The following C4orf50 variants were observed in gnomAD, a reference collection of about 807,000 sequenced individuals.
C4orf50 encodes the protein uncharacterized protein C4orf50.
Under a neutral mutation model 77.2 loss-of-function variants are expected in C4orf50, and 80 were observed. That is an observed-to-expected ratio of 1.04 (90% CI 0.87 to 1.25). C4orf50 has a LOEUF of 1.25. Among genes scored for constraint, C4orf50 ranks in the 50% most tolerant of loss-of-function variants. C4orf50 has a pLI of 0.00. For synonymous variants in C4orf50, 532 were observed against 465.3 expected (o/e 1.14, Z -1.84); for missense variants, 1,257 against 1,152.9 (o/e 1.09, Z -1.31).
exon 34 of C4orf50, chr4:5,959,414 A>T: frequency 6.2e-7 from 1 of 1,614,158 alleles, no homozygotes; most frequent in Non-Finnish European, 8.5e-7. Flanking sequence ...GGACCTGGGA[A>T]TTGCTGCAAA....
Position 5,900,986 on chromosome 4 carries a change from G to A in C4orf50, c.*2475-2798C>T, listed in dbSNP as rs1716318850. The A allele has an allele frequency of 6.6e-6, 1 of 152,228 alleles. No individual in the cohort carries two copies. Among genetic ancestry groups the A allele is most frequent in the African/African-American group, 2.4e-5 (1 of 41,456 alleles). 9.4% of individuals were successfully genotyped at this position (152,228 alleles called of 1,614,324 possible). A position where few individuals can be genotyped will look rare whatever the true frequency, so the allele number is the denominator to read the frequency against. On this transcript the variant is annotated intron_variant, in intron 7 of 7. Transcript: ENST00000324058. The surrounding 1 kb of genome is among the most constrained non-coding windows in gnomAD (Gnocchi z 4.3). ...GTCTTGCATTTGTTGCAGCCCATTG[G>A]TCTGCAGAGCGATCAAACCACACTA...
At chr4:5,994,475 T>A (rs920244838) in exon 26 of C4orf50, 2 of 398,844 alleles carry the variant, frequency 5.0e-6, no homozygotes, top group African/African-American at 4.1e-5. Context: ...GCCCAGAGCA[T>A]CCTGGAGGAA....
At chr4:5,973,749 G>T (rs761372445) in exon 31 of C4orf50, 2 of 1,613,894 alleles carry the variant, frequency 1.2e-6, no homozygotes, top group South Asian at 1.1e-5. Context: ...AGAGCAGGAG[G>T]TTCCCCAGCC....
intron 7 of C4orf50, among the ~76,000 whole-genome samples, chr4:5,936,583 AG>A (rs374904207): frequency 2.0e-5 from 3 of 149,306 alleles, no homozygotes; most frequent in East Asian, 1.9e-4. Context: ...AAAAAAAAAA[AG>A]AAAGACAGAC....
At chr4:5,972,006 C>T (rs988701142) in intron 31 of C4orf50, among the ~76,000 whole-genome samples, 12 of 128,996 alleles carry the variant, frequency 9.3e-5, no homozygotes, top group African/African-American at 3.6e-4. Context: ...ACTCTGCTTT[C>T]GATTTTTTTT....
chr4:5,987,055 A>G (rs1379444276), intron 28 of C4orf50, among the ~76,000 whole-genome samples: 1 of 152,158 alleles, frequency 6.6e-6, no homozygotes, highest in Non-Finnish European at 1.5e-5. Context: ...TCAATGACCT[A>G]AGTTTTCAAC....
Position 6,008,112 on chromosome 4 carries a change from A to G in C4orf50, c.847T>C (p.Tyr283His), listed in dbSNP as rs575558153. 7.5e-6 allele frequency: 3 copies of G among 399,054 alleles called. No homozygotes were observed. The highest frequency in any genetic ancestry group is 6.2e-5 in the African/African-American group (3 of 48,732). 24.7% of individuals were successfully genotyped at this position (399,054 alleles called of 1,614,324 possible). The change falls in exon 25 of 34, where the codon TAT (tyrosine) becomes CAT (histidine). Residue 283 changes from tyrosine (Y) to histidine (H), a missense_variant. Coordinates refer to ENST00000531445, the Ensembl canonical transcript of C4orf50. This position sits in a 1 kb window ranked among gnomAD's most constrained non-coding sequence, Gnocchi z 6.0. Reference sequence around the variant, plus strand: ...CCAATCTCTGACAGCTTCAGCCCATAGATGCAGCAGCGCAGCTCCTCCAGC... The same window carrying G: ...CCAATCTCTGACAGCTTCAGCCCATGGATGCAGCAGCGCAGCTCCTCCAGC...
intron 30 of C4orf50, 38 bp from the exon 9 acceptor site, chr4:5,973,879 C>G (rs1354960837): frequency 6.5e-7 from 1 of 1,533,496 alleles, no homozygotes; most frequent in Non-Finnish European, 8.9e-7. Flanking sequence ...GAGCTCCCAC[C>G]AGGGCTGCAT....
At chr4:5,982,857 G>A (rs1720667150) in intron 28 of C4orf50, among the ~76,000 whole-genome samples, 1 of 152,114 alleles carries the variant, frequency 6.6e-6, no homozygotes, top group Non-Finnish European at 1.5e-5. Context: ...TGGGTGCAGG[G>A]AGAGGTGGAT....
chr4:5,921,988 T>C (rs900017849), intron 7 of C4orf50, among the ~76,000 whole-genome samples: 15 of 152,124 alleles, frequency 9.9e-5, no homozygotes, highest in African/African-American at 2.9e-4. Context: ...CGAAGGAACC[T>C]AATAACTAGG....
chr4:6,012,361 G>A (rs751245852), intron 23 of C4orf50, among the ~76,000 whole-genome samples: 2 of 152,068 alleles, frequency 1.3e-5, no homozygotes, highest in African/African-American at 4.8e-5. Flanking sequence ...TCACACATGA[G>A]GAAATAGGAT....
intron 7 of C4orf50, among the ~76,000 whole-genome samples, chr4:5,917,725 G>A (rs192267448): frequency 1.1e-3 from 166 of 152,156 alleles, no homozygotes; most frequent in African/African-American, 3.8e-3. Flanking sequence ...TCTACTGAAA[G>A]CTATAGTATG....
chr4:5,994,998 T>C (rs112912531), intron 25 of C4orf50, among the ~76,000 whole-genome samples: 42 of 152,330 alleles, frequency 2.8e-4, no homozygotes, highest in African/African-American at 9.9e-4. Flanking sequence ...TAATGCCTGA[T>C]GATCTGAGAT....
intron 33 of C4orf50, among the ~76,000 whole-genome samples, chr4:5,960,765 G>A (rs1235549668): frequency 6.6e-6 from 1 of 152,240 alleles, no homozygotes; most frequent in African/African-American, 2.4e-5. Flanking sequence ...CTCGGCTTTT[G>A]GGGAGGAGCA....
At position 5,918,215 on chromosome 4, in the gene C4orf50, T is replaced by C. The variant is rs188878616; in HGVS notation, c.*2475-20027A>G. Among the ~76,000 whole-genome samples the C allele has an allele frequency of 1.3e-3, 193 of 152,220 alleles. 2 individuals are homozygous for C. The East Asian group carries it at 0.023, about 18-fold the overall frequency. On this transcript the variant is annotated intron_variant, in intron 7 of 7. Transcript: ENST00000324058. Reference sequence around the variant, plus strand: ...CCGCAGCAGGGATGGTGAGCTTCAGTTATCACACAGCAGAAAGAACGTCAG... The same window carrying C: ...CCGCAGCAGGGATGGTGAGCTTCAGCTATCACACAGCAGAAAGAACGTCAG...
At chr4:5,939,742 C>T (rs1187143609) in intron 7 of C4orf50, among the ~76,000 whole-genome samples, 1 of 152,152 alleles carries the variant, frequency 6.6e-6, no homozygotes, top group Non-Finnish European at 1.5e-5. Context: ...TGAACCAGGC[C>T]TGGATCCTCA....
In C4orf50 at chr4:5,959,653, T is replaced by C. The variant is rs16837914; in HGVS notation, c.4276-27A>G. ...TGCAGGCAAGAGGACAATGAAATGG[T>C]CTCTGCGTCCACATGTTTGTAAAAG... is the stretch of plus-strand genomic sequence containing the variant. On this transcript the variant is annotated intron_variant, in intron 33 of 33. Transcript: ENST00000531445. 0.011 allele frequency: 17,422 copies of C among 1,597,468 alleles called. 1,611 individuals carry two copies. The African/African-American group carries it at 0.2, about 18-fold the overall frequency.
chr4:5,938,966 G>T (rs144863628), intron 7 of C4orf50, among the ~76,000 whole-genome samples: 3,483 of 152,210 alleles, frequency 0.023, 50 homozygotes, highest in South Asian at 0.033. Flanking sequence ...TGGGGGCAGG[G>T]CTCAGTGGCT....
In C4orf50 at chr4:6,015,866, C is replaced by T. The variant is rs551145785; in HGVS notation, c.287+2279G>A. 3.9e-5 allele frequency among the ~76,000 whole-genome samples: 6 copies of T among 152,282 alleles called. No homozygotes were observed. Among genetic ancestry groups the T allele is most frequent in the South Asian group, 4.2e-4 (2 of 4,816 alleles). On this transcript the variant is annotated intron_variant, in intron 23 of 33. Transcript: ENST00000531445. The surrounding 1 kb of genome is among the most constrained non-coding windows in gnomAD (Gnocchi z 4.4). ...GACTCAACCCTCTCTGTCTCCCTCTCGCAAGGATACTTGTGATTGGTCTTA... is the reference window on the plus strand; with the variant it reads ...GACTCAACCCTCTCTGTCTCCCTCTTGCAAGGATACTTGTGATTGGTCTTA...
Sources: allele counts gnomAD v4.1 joint callset (sites outside exome capture counted in the v4.1 genomes callset), GRCh38; gene constraint gnomAD v4.1.1; non-coding constraint Gnocchi (gnomAD v3.1); transcripts MANE v1.5; gene names NCBI Gene and HGNC (gene_info 2026-07-23, HGNC 2026-07-21).